STARD6: variants seen among roughly 807,000 people sequenced by gnomAD.
STARD6 encodes stAR-related lipid transfer protein 6.
A neutral mutation model predicts 22.3 loss-of-function variants in STARD6; 21 were observed. That is an observed-to-expected ratio of 0.94 (90% CI 0.67 to 1.35). The LOEUF (loss-of-function observed/expected upper bound fraction) is 1.35. Among genes scored for constraint, STARD6 ranks in the 40% most tolerant of loss-of-function variants. STARD6 has a pLI of 0.00. For synonymous variants in STARD6, 80 were observed against 88.1 expected (o/e 0.91, Z 0.52); for missense variants, 269 against 266.9 (o/e 1.01, Z -0.05).
At position 54,342,378 on chromosome 18, in the gene STARD6, C is replaced by T. The variant is rs370604191; in HGVS notation, c.141-5127G>A. Among the ~76,000 whole-genome samples the T allele has an allele frequency of 3.5e-4, 53 of 151,904 alleles. 2 individuals are homozygous for T. The South Asian group carries it at 5.2e-3, about 15-fold the overall frequency. The stretch of plus-strand genomic sequence containing the variant: ...GGAGGAAACATTTCCCAAATTTTAG[C>T]TTGATATCAAAACCAGATAAAGATA... On this transcript the variant is annotated intron_variant, in intron 4 of 7. Coordinates refer to ENST00000307844, the MANE Select transcript of STARD6 (RefSeq NM_139171.2).
intron 4 of STARD6, among the ~76,000 whole-genome samples, chr18:54,341,005 C>T (rs1266640940): frequency 2.0e-5 from 3 of 152,096 alleles, no homozygotes; most frequent in African/African-American, 4.8e-5. Context: ...GGACATATCT[C>T]GAGGGAGAAA....
intron 4 of STARD6, among the ~76,000 whole-genome samples, chr18:54,341,944 G>C (rs1446337570): frequency 6.6e-6 from 1 of 152,034 alleles, no homozygotes; most frequent in Non-Finnish European, 1.5e-5. Flanking sequence ...ATGAAATTGT[G>C]AATAGAAAAA....
intron 5 of STARD6, among the ~76,000 whole-genome samples, chr18:54,333,046 T>G (rs1040788444): frequency 2.0e-5 from 3 of 152,228 alleles, no homozygotes; most frequent in African/African-American, 7.2e-5. Context: ...TATCACATAT[T>G]GGCTGCATCA....
At chr18:54,331,934 T>G in intron 5 of STARD6, 75 bp from the exon 6 acceptor site, 1 of 1,037,814 alleles carries the variant, frequency 9.6e-7, no homozygotes, top group Non-Finnish European at 1.4e-6. Context: ...CCCCCAAATT[T>G]TATTGCATAT....
rs202006179 is a variant in STARD6 at position 54,330,602 on chromosome 18, T to TA, written c.385+1139dup. Among the ~76,000 whole-genome samples the TA allele has an allele frequency of 4.3e-3, 655 of 151,298 alleles. 4 individuals carry two copies. Among genetic ancestry groups the TA allele is most frequent in the African/African-American group, 0.015 (619 of 41,330 alleles). On this transcript the variant is annotated intron_variant, in intron 6 of 7. Coordinates refer to ENST00000307844, the MANE Select transcript of STARD6 (RefSeq NM_139171.2). ...GCTTAAAGCAAGGTGCAGGGCAGGA[T>TA]AAAAAAAAAGAAATGTTAAGAAAAC...
intron 4 of STARD6, 150 bp downstream of exon 4, chr18:54,353,901 TTTA>T (rs1461498676): frequency 4.2e-6 from 2 of 475,764 alleles, no homozygotes; most frequent in South Asian, 4.3e-5. Context: ...ATTGCTGTAT[TTTA>T]TTATTATCAC....
intron 1 of STARD6, among the ~76,000 whole-genome samples, chr18:54,357,466 AG>A (rs1042680114): frequency 3.9e-5 from 6 of 152,138 alleles, no homozygotes; most frequent in African/African-American, 9.6e-5. Flanking sequence ...AGAAGTGGTG[AG>A]GGGGGACTGC....
intron 4 of STARD6, among the ~76,000 whole-genome samples, chr18:54,349,450 G>T (rs1040225900): frequency 7.2e-5 from 11 of 152,280 alleles, no homozygotes; most frequent in African/African-American, 2.6e-4. Context: ...GGTCAGAAAT[G>T]AGGTCAGAGA....
intron 1 of STARD6, 148 bp from the exon 2 acceptor site, chr18:54,356,592 A>G (rs965723367): frequency 6.6e-6 from 1 of 152,218 alleles, no homozygotes; most frequent in Non-Finnish European, 1.5e-5. Flanking sequence ...CCCAAGATGA[A>G]AGAAAAATAT....
At chr18:54,346,600 T>A (rs938187772) in intron 4 of STARD6, among the ~76,000 whole-genome samples, 3 of 151,982 alleles carry the variant, frequency 2.0e-5, no homozygotes, top group African/African-American at 7.2e-5. Flanking sequence ...CACACAAAAA[T>A]TTGTACACAA....
At chr18:54,354,137 C>T (rs1439330217) in intron 3 of STARD6, 34 bp from the exon 4 acceptor site, 2 of 1,339,846 alleles carry the variant, frequency 1.5e-6, no homozygotes, top group Non-Finnish European at 2.1e-6. Context: ...AAATAATTAG[C>T]TGTCAAATGC....
intron 4 of STARD6, among the ~76,000 whole-genome samples, chr18:54,341,308 C>A (rs1680655120): frequency 6.6e-6 from 1 of 152,326 alleles, no homozygotes; most frequent in East Asian, 1.9e-4. Flanking sequence ...ATCCGCCCAC[C>A]TCAGCCTCCC....
intron 7 of STARD6, 128 bp from the exon 8 acceptor site, chr18:54,325,003 A>G (rs1403423191): frequency 9.4e-6 from 6 of 640,162 alleles, no homozygotes; most frequent in African/African-American, 1.9e-5. Flanking sequence ...GTACTTAAAA[A>G]TATTAAGTGG....
chr18:54,357,517 C>T (rs2089164469), intron 1 of STARD6, among the ~76,000 whole-genome samples: 1 of 152,094 alleles, frequency 6.6e-6, no homozygotes, highest in African/African-American at 2.4e-5. Context: ...GCGGGGGATG[C>T]TCTGGAAGCG....
chr18:54,334,743 T>A (rs1335812592), intron 5 of STARD6, among the ~76,000 whole-genome samples: 2 of 152,158 alleles, frequency 1.3e-5, no homozygotes, highest in Non-Finnish European at 2.9e-5. Context: ...CTCCTGGTTA[T>A]TGCCTATACT....
chr18:54,329,651 T>C, intron 6 of STARD6, among the ~76,000 whole-genome samples: 1 of 152,032 alleles, frequency 6.6e-6, no homozygotes. Flanking sequence ...TTCCTGCTAG[T>C]TATTTCTAAA....
intron 5 of STARD6, among the ~76,000 whole-genome samples, chr18:54,332,932 A>G (rs2088876912): frequency 6.6e-6 from 1 of 152,134 alleles, no homozygotes; most frequent in African/African-American, 2.4e-5. Flanking sequence ...ATAAAAATAA[A>G]TAAGTAAATA....
At chr18:54,357,510 G>A (rs2089164350) in intron 1 of STARD6, among the ~76,000 whole-genome samples, 1 of 152,130 alleles carries the variant, frequency 6.6e-6, no homozygotes, top group Admixed American at 6.5e-5. Context: ...ATTTTTGGCG[G>A]GGGATGCTCT....
intron 4 of STARD6, among the ~76,000 whole-genome samples, chr18:54,339,557 C>T (rs1441460561): frequency 2.0e-5 from 3 of 149,474 alleles, no homozygotes; most frequent in Non-Finnish European, 3.0e-5. Context: ...CAATGGAGGC[C>T]AGAAGGAAGT....
Sources: allele counts gnomAD v4.1 joint callset (sites outside exome capture counted in the v4.1 genomes callset), GRCh38; gene constraint gnomAD v4.1.1; transcripts MANE v1.5; gene names NCBI Gene and HGNC (gene_info 2026-07-23, HGNC 2026-07-21).